The following ADGRG5 variants were observed in gnomAD, a reference collection of about 807,000 sequenced individuals.
ADGRG5 encodes G protein-coupled receptor 114.
In ADGRG5, 37 loss-of-function variants were observed where a neutral mutation model predicts 53.2. That is an observed-to-expected ratio of 0.70 (90% confidence interval 0.53 to 0.91). ADGRG5 has a LOEUF of 0.91. ADGRG5 is among the 40% of genes least tolerant of loss of function. The pLI is 0.00. For synonymous variants in ADGRG5, 277 were observed against 290.4 expected (o/e 0.95, Z 0.47); for missense variants, 614 against 675.8 (o/e 0.91, Z 1.01).
rs267604585 is a variant in ADGRG5 at position 57,567,987 on chromosome 16, C to T, written c.953C>T (p.Ala318Val). 2.5e-6 allele frequency: 4 copies of T among 1,614,056 alleles called. No homozygotes were observed. The Admixed American group carries it at 5.0e-5, about 20-fold the overall frequency. Residue 318 changes from alanine (A) to valine (V), a missense_variant, in exon 9 of 12, where the codon GCC (alanine) becomes GTC (valine). Ala to Val is a moderately conservative substitution (Grantham distance 64). Coordinates refer to ENST00000349457, the MANE Select transcript of ADGRG5 (RefSeq NM_001304376.3). ...PVPGSACTAL[A>V]AALHYALLSC... ...CCCGGGTCAGCATGCACGGCTCTGG[C>T]CGCTGCCCTGCACTACGCGCTGCTC...
chr16:57,533,620 A>G, the ADGRG5 span, among the ~76,000 whole-genome samples: 7,005 of 151,108 alleles, frequency 0.046, 501 homozygotes, highest in African/African-American at 0.15. Context: ...ACCCGCACTC[A>G]CACACAGCCC....
chr16:57,554,584 G>T (rs1391246179), intron 1 of ADGRG5, among the ~76,000 whole-genome samples: 1 of 152,022 alleles, frequency 6.6e-6, no homozygotes, highest in Non-Finnish European at 1.5e-5. Context: ...CACCGTGTTA[G>T]CCAGGATGGT....
chr16:57,540,691 A>C (rs1483729668), upstream of ADGRG5, among the ~76,000 whole-genome samples: 1 of 152,156 alleles, frequency 6.6e-6, no homozygotes, highest in Non-Finnish European at 1.5e-5. Flanking sequence ...CCGAGCAGGG[A>C]GGTGGGTATT....
chr16:57,557,429 A>G (rs1369338758), intron 1 of ADGRG5, among the ~76,000 whole-genome samples: 1 of 152,174 alleles, frequency 6.6e-6, no homozygotes, highest in Non-Finnish European at 1.5e-5. Context: ...GGATGTATCT[A>G]GATGTGTTTT....
chr16:57,567,530 G>A lies in ADGRG5; in HGVS notation c.760G>A (p.Val254Met), dbSNP rs572274895. ...GGCACCTCTTACGTACATCTCCCTC[G>A]TGGGCTGCAGCATCTCCATCGTGGC... is the stretch of plus-strand genomic sequence containing the variant. ...LLAPLTYISL[V>M]GCSISIVASL... The change falls in exon 8 of 12, where the codon GTG (valine) becomes ATG (methionine). Residue 254 changes from valine (V) to methionine (M), a missense_variant. Physicochemically the swap from Val to Met is conservative, Grantham distance 21. Transcript: ENST00000349457. The A allele has an allele frequency of 1.2e-5, 20 of 1,611,728 alleles. No homozygotes were observed. The highest frequency in any genetic ancestry group is 5.0e-5 in the Admixed American group (3 of 60,012).
At chr16:57,544,677 C>T (rs541549830) in intron 1 of ADGRG5, among the ~76,000 whole-genome samples, 1 of 152,288 alleles carries the variant, frequency 6.6e-6, no homozygotes, top group South Asian at 2.1e-4. Flanking sequence ...GCCCAAGATC[C>T]TTTCTGTGCT....
At chr16:57,566,308 C>T (rs1328962661) in intron 6 of ADGRG5, 1 of 311,408 alleles carries the variant, frequency 3.2e-6, no homozygotes, top group African/African-American at 2.1e-5. Context: ...ACTCAAGATT[C>T]CGTGTTGCCC....
intron 1 of ADGRG5, among the ~76,000 whole-genome samples, chr16:57,547,268 C>T (rs2032641050): frequency 6.6e-6 from 1 of 152,058 alleles, no homozygotes; most frequent in South Asian, 2.1e-4. Flanking sequence ...ACACCTCTCC[C>T]CTCAAAAAAG....
the ADGRG5 span, among the ~76,000 whole-genome samples, chr16:57,533,090 G>A: frequency 6.6e-6 from 1 of 152,198 alleles, no homozygotes; most frequent in East Asian, 1.9e-4. Context: ...GTCTCTAATG[G>A]CTTCCAGGCA....
At chr16:57,537,143 C>T in the ADGRG5 span, among the ~76,000 whole-genome samples, 1 of 152,156 alleles carries the variant, frequency 6.6e-6, no homozygotes, top group African/African-American at 2.4e-5. Flanking sequence ...CTCTGCATTG[C>T]GATGGTGGTT....
At chr16:57,540,322 G>T (rs1257153979), upstream of ADGRG5, among the ~76,000 whole-genome samples, 1 of 152,186 alleles carries the variant, frequency 6.6e-6, no homozygotes, top group African/African-American at 2.4e-5. Context: ...AACCAAGATT[G>T]AAAAAGATGT....
chr16:57,531,887 A>T, the ADGRG5 span, among the ~76,000 whole-genome samples: 1 of 152,218 alleles, frequency 6.6e-6, no homozygotes. Flanking sequence ...CAGGCATTGG[A>T]GGTCTACACC....
At chr16:57,551,991 G>C (rs967160195) in intron 1 of ADGRG5, among the ~76,000 whole-genome samples, 1 of 151,936 alleles carries the variant, frequency 6.6e-6, no homozygotes, top group Non-Finnish European at 1.5e-5. Context: ...GGGTGACTAG[G>C]TACATTGTCG....
intron 10 of ADGRG5, among the ~76,000 whole-genome samples, chr16:57,571,767 T>G (rs1296304879): frequency 4.6e-5 from 7 of 151,142 alleles, no homozygotes; most frequent in African/African-American, 1.7e-4. Flanking sequence ...GCGATTCTCC[T>G]GTGAGTAGCT....
the ADGRG5 span, among the ~76,000 whole-genome samples, chr16:57,530,224 C>T: frequency 6.6e-6 from 1 of 152,176 alleles, no homozygotes; most frequent in East Asian, 1.9e-4. Context: ...CTCTTGTTCT[C>T]TGTGTCTCAC....
chr16:57,550,864 C>A (rs2032732152), intron 1 of ADGRG5, among the ~76,000 whole-genome samples: 1 of 152,096 alleles, frequency 6.6e-6, no homozygotes, highest in African/African-American at 2.4e-5. Flanking sequence ...CCCATCTCTA[C>A]TAAAAATACA....
chr16:57,549,193 C>T (rs1365126626), intron 1 of ADGRG5, among the ~76,000 whole-genome samples: 1 of 152,136 alleles, frequency 6.6e-6, no homozygotes, highest in Non-Finnish European at 1.5e-5. Context: ...AATGAGTTTC[C>T]TGGCTTAAAG....
chr16:57,536,157 G>A, the ADGRG5 span, among the ~76,000 whole-genome samples: 3,049 of 152,194 alleles, frequency 0.02, 69 homozygotes, highest in South Asian at 0.068. Flanking sequence ...CATTCGCCAT[G>A]GCGACCACGT....
At position 57,559,065 on chromosome 16, in the gene ADGRG5, G is replaced by A. The variant is rs180841054; in HGVS notation, c.-38-2991G>A. On this transcript the variant is annotated intron_variant, in intron 1 of 11. Transcript: ENST00000349457. ...GAGTTTTGCCATGTTGCCCAGGCTG[G>A]TCTCGAACCCCTAGGCTCAAGCAAT... is the stretch of plus-strand genomic sequence containing the variant. Among the ~76,000 whole-genome samples the A allele has an allele frequency of 1.5e-3, 218 of 150,076 alleles. 3 individuals are homozygous for A. Among genetic ancestry groups the A allele is most frequent in the African/African-American group, 5.1e-3 (207 of 40,660 alleles).
Sources: gnomAD v4.1 joint callset for allele counts (sites outside exome capture counted in the v4.1 genomes callset) on GRCh38, gnomAD v4.1.1 for gene constraint, MANE v1.5 for transcripts, NCBI Gene and HGNC (gene_info 2026-07-23, HGNC 2026-07-21) for gene names.